The following TBC1D9B variants were observed in gnomAD, a reference collection of about 807,000 sequenced individuals.
The protein encoded by TBC1D9B is TBC1 domain family member 9B, also known as TBC1 domain family, member 9B (with GRAM domain).
A neutral mutation model predicts 121.1 loss-of-function variants in TBC1D9B; 87 were observed. The ratio of observed to expected loss-of-function variants is 0.72; its 90% CI spans 0.60 to 0.86. TBC1D9B has a LOEUF of 0.86. Ranked by LOEUF, TBC1D9B falls within the 40% of genes least tolerant of loss-of-function variation. The probability of loss-of-function intolerance (pLI) is 0.00; values close to 1 mark genes in which losing one functional copy is unlikely to be tolerated. For missense variants in TBC1D9B, 1,540 were observed against 1,628.6 expected (o/e 0.95, Z 0.94); for synonymous variants, 668 against 670.1 (o/e 1.00, Z 0.05).
intron 3 of TBC1D9B, among the ~76,000 whole-genome samples, chr5:179,898,796 C>G (rs567134085): frequency 2.9e-4 from 44 of 152,264 alleles, no homozygotes; most frequent in African/African-American, 1.0e-3. Context: ...AGGGTAAACG[C>G]CAAGAATGGA....
chr5:179,880,596 TGA>T (rs1760513521), intron 7 of TBC1D9B, among the ~76,000 whole-genome samples: 1 of 152,232 alleles, frequency 6.6e-6, no homozygotes, highest in Admixed American at 6.5e-5. Flanking sequence ...TGTGTTTTTT[TGA>T]GAGAACCCTG....
In TBC1D9B at chr5:179,901,977, G is replaced by A. The variant is rs144370858; in HGVS notation, c.230-2670C>T. Reference sequence around the variant, plus strand: ...CATTCTCAGAACACAGTGGAGACAGGTACCATTATTTTCATTTTACCAGAT... The same window carrying A: ...CATTCTCAGAACACAGTGGAGACAGATACCATTATTTTCATTTTACCAGAT... On this transcript the variant is annotated intron_variant, in intron 2 of 20. Coordinates refer to ENST00000355235, the MANE Select transcript of TBC1D9B (RefSeq NM_015043.4). Among the ~76,000 whole-genome samples, 8 of 152,274 alleles carry A rather than the reference G, an allele frequency of 5.3e-5. No individual in the cohort carries two copies. The East Asian group carries it at 1.5e-3, about 29-fold the overall frequency.
At position 179,865,737 on chromosome 5, in the gene TBC1D9B, C is replaced by T. The variant is rs968837203; in HGVS notation, c.2914+101G>A. The T allele has an allele frequency of 1.1e-4, 152 of 1,356,154 alleles. No individual in the cohort carries two copies. The highest frequency in any genetic ancestry group is 1.4e-4 in the Non-Finnish European group (141 of 986,514). 84.0% of individuals were successfully genotyped at this position (1,356,154 alleles called of 1,614,324 possible). On this transcript the variant is annotated intron_variant, in intron 19 of 20. Transcript: ENST00000355235. This position sits in a 1 kb window ranked among gnomAD's most constrained non-coding sequence, Gnocchi z 5.1. Reference sequence around the variant, plus strand: ...ATCGGGGGACGCATCCGCCATCTCCCGGGGTAGGGGGCTCCCTGGCAGTGA... The same window carrying T: ...ATCGGGGGACGCATCCGCCATCTCCTGGGGTAGGGGGCTCCCTGGCAGTGA...
chr5:179,894,669 A>C (rs1760971445), intron 3 of TBC1D9B, 55 bp from the exon 4 acceptor site: 2 of 1,586,438 alleles, frequency 1.3e-6, no homozygotes, highest in Non-Finnish European at 1.7e-6. Flanking sequence ...GACAGGTCAA[A>C]GGGTGGAGCA....
rs1364633987 is a variant in TBC1D9B at position 179,907,519 on chromosome 5, C to T, written c.118+185G>A. ...CCCGCCAGCCCCTCGCCTCCCCGCC[C>T]CGGCCCCTCCGCGCCCGGCTCCCGG... On this transcript the variant is annotated intron_variant, in intron 1 of 20. Coordinates refer to ENST00000355235, the MANE Select transcript of TBC1D9B (RefSeq NM_015043.4). This position sits in a 1 kb window ranked among gnomAD's most constrained non-coding sequence, Gnocchi z 5.3. Among the ~76,000 whole-genome samples, 6 of 150,308 alleles carry T rather than the reference C, an allele frequency of 4.0e-5. No homozygotes were observed. Among genetic ancestry groups the T allele is most frequent in the African/African-American group, 1.5e-4 (6 of 41,178 alleles).
At chr5:179,905,893 CT>C (rs1470443283) in intron 1 of TBC1D9B, among the ~76,000 whole-genome samples, 14 of 152,126 alleles carry the variant, frequency 9.2e-5, no homozygotes, top group Admixed American at 6.5e-5. Flanking sequence ...TCCATTAATA[CT>C]TTTTTGAGAT....
chr5:179,905,841 T>C (rs1188806133), intron 1 of TBC1D9B, among the ~76,000 whole-genome samples: 1 of 152,244 alleles, frequency 6.6e-6, no homozygotes, highest in Non-Finnish European at 1.5e-5. Context: ...GTCAGAACAA[T>C]TTTTATTGCT....
In TBC1D9B at chr5:179,902,167, T is replaced by C. The variant is rs892287446; in HGVS notation, c.229+2535A>G. Among the ~76,000 whole-genome samples, 4 of 152,324 alleles carry C rather than the reference T, an allele frequency of 2.6e-5. No homozygotes were observed. Among genetic ancestry groups the C allele is most frequent in the South Asian group, 2.1e-4 (1 of 4,824 alleles). On this transcript the variant is annotated intron_variant, in intron 2 of 20. Coordinates refer to ENST00000355235, the MANE Select transcript of TBC1D9B (RefSeq NM_015043.4). This position sits in a 1 kb window ranked among gnomAD's most constrained non-coding sequence, Gnocchi z 4.9. ...CGTAAAAGCGTGTGCAGACACGTCA[T>C]GTCCAGAGGAGTAAGGAGGAAGGAT... is the stretch of plus-strand genomic sequence containing the variant.
chr5:179,862,086 T>TA lies in TBC1D9B; in HGVS notation c.*1361dup, dbSNP rs1210766839. The TA allele has an allele frequency of 6.1e-6, 1 of 164,630 alleles. No homozygotes were observed. The highest frequency in any genetic ancestry group is 1.6e-4 in the East Asian group (1 of 6,358). The allele number at this position is 164,630 out of a possible 1,614,324, so 10.2% of individuals were successfully genotyped here. ...ACAACTTTCATTACAGTATAACCGT[T>TA]ACATTTTATTATTAGTTATTGTTGT... On this transcript the variant is annotated 3_prime_UTR_variant, in exon 21 of 21. Coordinates refer to ENST00000355235, the MANE Select transcript of TBC1D9B (RefSeq NM_015043.4).
chr5:179,894,228 C>G (rs1383169117), intron 4 of TBC1D9B, among the ~76,000 whole-genome samples, 158 bp downstream of exon 4: 2 of 152,190 alleles, frequency 1.3e-5, no homozygotes, highest in Non-Finnish European at 2.9e-5. Context: ...AGGTGTACGC[C>G]TGGCCAAGGC....
At chr5:179,870,121 C>T (rs1392182291) in intron 16 of TBC1D9B, 134 bp downstream of exon 16, 19 of 1,442,582 alleles carry the variant, frequency 1.3e-5, no homozygotes, top group African/African-American at 9.9e-5. Flanking sequence ...CTGTTCTTCC[C>T]GTATCTAGGG....
At chr5:179,870,538 G>C (rs374390841) in intron 15 of TBC1D9B, 43 bp from the exon 16 acceptor site, 7 of 1,563,726 alleles carry the variant, frequency 4.5e-6, no homozygotes, top group African/African-American at 1.3e-5. Context: ...CGCTAAGCCT[G>C]TGGGTCGAGG....
At position 179,862,668 on chromosome 5, in the gene TBC1D9B, C is replaced by A; in HGVS notation, c.*780G>T. 8 of 441,220 alleles carry A rather than the reference C, an allele frequency of 1.8e-5. No homozygotes were observed. The highest frequency in any genetic ancestry group is 1.2e-4 in the South Asian group (8 of 64,222). The allele number at this position is 441,220 out of a possible 1,614,324, so 27.3% of individuals were successfully genotyped here. ...TCCAGAACACAGCCAGGGCCCCATA[C>A]TTGGCCTGGGGAGAAGTTGGGAGGC... On this transcript the variant is annotated 3_prime_UTR_variant, in exon 21 of 21. Transcript: ENST00000355235.
chr5:179,882,066 T>C (rs2113624322), intron 7 of TBC1D9B, among the ~76,000 whole-genome samples: 1 of 151,708 alleles, frequency 6.6e-6, no homozygotes, highest in African/African-American at 2.4e-5. Context: ...TGCCTCAGGT[T>C]CCCAAGTAGC....
Position 179,863,308 on chromosome 5 carries a change from C to G in TBC1D9B, c.*140G>C. On this transcript the variant is annotated 3_prime_UTR_variant, in exon 21 of 21. Coordinates refer to ENST00000355235, the MANE Select transcript of TBC1D9B (RefSeq NM_015043.4). The surrounding 1 kb of genome is among the most constrained non-coding windows in gnomAD (Gnocchi z 4.5). ...AGGCAGCTGGGTCTGCACCAGCCTT[C>G]TTTCCACTCACAACTCACTGCTCCT... 1 of 1,014,548 alleles carries G rather than the reference C, an allele frequency of 9.9e-7. No individual in the cohort carries two copies. Among genetic ancestry groups the G allele is most frequent in the Non-Finnish European group, 1.4e-6 (1 of 704,722 alleles). The allele number at this position is 1,014,548 out of a possible 1,614,324, so 62.8% of individuals were successfully genotyped here. A position where few individuals can be genotyped will look rare whatever the true frequency, so the allele number is the denominator to read the frequency against.
intron 18 of TBC1D9B, chr5:179,867,557 G>C: frequency 6.5e-7 from 1 of 1,542,390 alleles, no homozygotes; most frequent in Non-Finnish European, 8.8e-7. Context: ...GGTCCAGGAA[G>C]ACAGAGACAC....
chr5:179,882,939 T>C (rs1486491678), intron 7 of TBC1D9B, among the ~76,000 whole-genome samples: 1 of 152,158 alleles, frequency 6.6e-6, no homozygotes, highest in Non-Finnish European at 1.5e-5. Flanking sequence ...GCAACCTCCT[T>C]CTCCCACCTC....
At position 179,879,135 on chromosome 5, in the gene TBC1D9B, C is replaced by T. The variant is rs1760453840; in HGVS notation, c.1479G>A (p.Val493=). 1.9e-6 allele frequency: 3 copies of T among 1,607,368 alleles called. No individual in the cohort carries two copies. Among genetic ancestry groups the T allele is most frequent in the Non-Finnish European group, 8.5e-7 (1 of 1,179,770 alleles). ...GCGTCTTGGCTGTGCGGTACATGCACACGCCACGCCCGTACTCGAAGAAGT... is the reference window on the plus strand; with the variant it reads ...GCGTCTTGGCTGTGCGGTACATGCATACGCCACGCCCGTACTCGAAGAAGT... ...HIHFFEYGRG[V]CMYRTAKTRA... Residue 493 remains valine, a synonymous_variant, in exon 9 of 21, where the codon GTG becomes GTA. Transcript: ENST00000355235.
intron 18 of TBC1D9B, chr5:179,866,913 T>C (rs1420127392): frequency 6.4e-6 from 1 of 155,056 alleles, no homozygotes; most frequent in African/African-American, 2.4e-5. Context: ...GTGTGCTGCA[T>C]GTCACCAGCT....
Sources: allele counts gnomAD v4.1 joint callset (sites outside exome capture counted in the v4.1 genomes callset), GRCh38; gene constraint gnomAD v4.1.1; non-coding constraint Gnocchi (gnomAD v3.1); transcripts MANE v1.5; gene names NCBI Gene and HGNC (gene_info 2026-07-23, HGNC 2026-07-21).